The following TMC2 variants were observed in gnomAD, a reference collection of about 807,000 sequenced individuals.
The protein encoded by TMC2 is transmembrane channel-like protein 2.
TMC2 carries 102 observed loss-of-function variants against 105.9 expected under a neutral mutation model. The observed-to-expected ratio is 0.96, with a 90% CI of 0.82 to 1.14. The LOEUF is 1.14. Ranked by LOEUF, TMC2 falls within the 50% of genes most tolerant of loss-of-function variation. The probability of loss-of-function intolerance (pLI) is 0.00; values close to 1 mark genes in which losing one functional copy is unlikely to be tolerated. For missense variants in TMC2, 1,093 were observed against 1,134.3 expected, an observed-to-expected ratio of 0.96 and a Z score of 0.52; for synonymous variants, 402 against 422.8, an observed-to-expected ratio of 0.95 and a Z score of 0.60.
chr20:2,611,861 G>T (rs796095036), intron 12 of TMC2, among the ~76,000 whole-genome samples: 1 of 128,676 alleles, frequency 7.8e-6, no homozygotes, highest in African/African-American at 3.3e-5. Context: ...TGGATGGATG[G>T]ATGGATGGGT....
chr20:2,572,759 A>G (rs1354689680), intron 5 of TMC2, among the ~76,000 whole-genome samples: 1 of 152,156 alleles, frequency 6.6e-6, no homozygotes, highest in Non-Finnish European at 1.5e-5. Context: ...TTACTGAAGT[A>G]TCCTTCCTTT....
At chr20:2,552,212 C>T (rs558556682) in intron 2 of TMC2, among the ~76,000 whole-genome samples, 2 of 152,290 alleles carry the variant, frequency 1.3e-5, no homozygotes, top group South Asian at 2.1e-4. Context: ...GAGCTATATT[C>T]GTGCCATTGC....
chr20:2,625,009 T>C (rs1406875659), intron 17 of TMC2, among the ~76,000 whole-genome samples: 1 of 118,664 alleles, frequency 8.4e-6, no homozygotes, highest in Non-Finnish European at 2.0e-5. Flanking sequence ...TCAACAACCA[T>C]TAGAGAACAA....
At chr20:2,595,514 C>T (rs1468860688) in intron 9 of TMC2, among the ~76,000 whole-genome samples, 6 of 152,114 alleles carry the variant, frequency 3.9e-5, no homozygotes, top group East Asian at 1.9e-4. Flanking sequence ...TTAACCATGG[C>T]GGCCTCTCTG....
intron 4 of TMC2, among the ~76,000 whole-genome samples, chr20:2,569,950 C>T (rs1568508681): frequency 6.6e-6 from 1 of 152,130 alleles, no homozygotes; most frequent in African/African-American, 2.4e-5. Context: ...TGATAAAAGC[C>T]TCCAACAAAC....
chr20:2,613,210 C>T lies in TMC2; in HGVS notation c.1760C>T (p.Thr587Met), dbSNP rs373777877. The T allele has an allele frequency of 5.6e-6, 9 of 1,613,408 alleles. No homozygotes were observed. Among genetic ancestry groups the T allele is most frequent in the East Asian group, 2.2e-5 (1 of 44,856 alleles). The change falls in exon 14 of 20, where the codon ACG (threonine) becomes ATG (methionine). Residue 587 changes from threonine (T) to methionine (M), a missense_variant. By Grantham distance (81) the Thr-to-Met change is moderately conservative. Coordinates refer to ENST00000358864, the MANE Select transcript of TMC2 (RefSeq NM_080751.3). ...CCTCTGCAGGAATTCATGAGGCTGA[C>T]GGTGTCTGACATGCTGGTAACGTAC... ...TAVGIEFMRLTVSDMLVTYIT... is the reference protein window; with the variant it reads ...TAVGIEFMRLMVSDMLVTYIT...
chr20:2,626,013 T>A (rs1463087913), intron 17 of TMC2, among the ~76,000 whole-genome samples: 1 of 152,208 alleles, frequency 6.6e-6, no homozygotes, highest in African/African-American at 2.4e-5. Flanking sequence ...TCCTCAGCCC[T>A]ACTTTTATCA....
rs1313904136 is a variant in TMC2 at position 2,558,932 on chromosome 20, C to T, written c.401+158C>T. 1.3e-5 allele frequency among the ~76,000 whole-genome samples: 2 copies of T among 152,238 alleles called. No individual in the cohort carries two copies. The highest frequency in any genetic ancestry group is 4.8e-5 in the African/African-American group (2 of 41,464). ...GTGCCTCCCAGCCCTTACCACTGCCCCACTCTGCGGTGGGTTCTTCATCCC... is the reference window on the plus strand; with the variant it reads ...GTGCCTCCCAGCCCTTACCACTGCCTCACTCTGCGGTGGGTTCTTCATCCC... On this transcript the variant is annotated intron_variant, in intron 3 of 19. Coordinates refer to ENST00000358864, the MANE Select transcript of TMC2 (RefSeq NM_080751.3). The surrounding 1 kb of genome is among the most constrained non-coding windows in gnomAD (Gnocchi z 4.6).
At chr20:2,538,406 T>C (rs2085865940) in intron 2 of TMC2, among the ~76,000 whole-genome samples, 1 of 152,138 alleles carries the variant, frequency 6.6e-6, no homozygotes, top group African/African-American at 2.4e-5. Context: ...AAGGAGCAAA[T>C]GTGAGAAAGT....
chr20:2,560,023 G>C (rs1445863245), intron 3 of TMC2, among the ~76,000 whole-genome samples: 2 of 152,160 alleles, frequency 1.3e-5, no homozygotes, highest in East Asian at 3.9e-4. Flanking sequence ...ATAGGCATTG[G>C]TAATCCTAAG....
rs2086486943 is a variant in TMC2, at chr20:2,616,957, C to G, written c.1941-115C>G. The G allele has an allele frequency of 1.6e-6, 2 of 1,273,130 alleles. No homozygotes were observed. The highest frequency in any genetic ancestry group is 2.2e-6 in the Non-Finnish European group (2 of 913,368). 78.9% of individuals were successfully genotyped at this position (1,273,130 alleles called of 1,614,324 possible). On this transcript the variant is annotated intron_variant, in intron 15 of 19. Transcript: ENST00000358864. The surrounding 1 kb of genome is among the most constrained non-coding windows in gnomAD (Gnocchi z 4.8). ...GGAGGCCCCTTACCTGGGGACTTGC[C>G]AGGAAAGCAGCTCGGCCTCATGCCC...
intron 2 of TMC2, among the ~76,000 whole-genome samples, chr20:2,553,152 G>T (rs192824807): frequency 2.6e-5 from 4 of 152,264 alleles, no homozygotes; most frequent in Admixed American, 2.6e-4. Context: ...CAGGTGACAG[G>T]AGACATCCTT....
At position 2,558,896 on chromosome 20, in the gene TMC2, C is replaced by A; in HGVS notation, c.401+122C>A. 1.9e-6 allele frequency: 2 copies of A among 1,027,196 alleles called. No individual in the cohort carries two copies. The highest frequency in any genetic ancestry group is 2.8e-6 in the Non-Finnish European group (2 of 722,230). 63.6% of individuals were successfully genotyped at this position (1,027,196 alleles called of 1,614,324 possible). On this transcript the variant is annotated intron_variant, in intron 3 of 19. Coordinates refer to ENST00000358864, the MANE Select transcript of TMC2 (RefSeq NM_080751.3). This position sits in a 1 kb window ranked among gnomAD's most constrained non-coding sequence, Gnocchi z 4.6. ...CGGGGAGAGGCAGCCCGTGCCCTCG[C>A]TCTGGCTTCCGTGCCTCCCAGCCCT...
chr20:2,613,252 G>A lies in TMC2; in HGVS notation c.1802G>A (p.Gly601Glu). The change falls in exon 14 of 20, where the codon GGG (glycine) becomes GAG (glutamate). Residue 601 changes from glycine (G) to glutamate (E), a missense_variant. Gly to Glu is a moderately conservative substitution (Grantham distance 98). Coordinates refer to ENST00000358864, the MANE Select transcript of TMC2 (RefSeq NM_080751.3). ...MLVTYITILL[G>E]DFLRACFVRF... The stretch of plus-strand genomic sequence containing the variant: ...GTAACGTACATCACCATCCTGCTGG[G>A]GGACTTCCTACGGGCTTGTTTTGTG... 2 of 1,614,056 alleles carry A rather than the reference G, an allele frequency of 1.2e-6. No individual in the cohort carries two copies. Among genetic ancestry groups the A allele is most frequent in the Non-Finnish European group, 1.7e-6 (2 of 1,179,972 alleles).
intron 17 of TMC2, among the ~76,000 whole-genome samples, chr20:2,628,719 C>T (rs1429340531): frequency 2.0e-5 from 3 of 152,224 alleles, no homozygotes; most frequent in African/African-American, 7.2e-5. Context: ...TTTCCTGAGG[C>T]CTCACCAGCC....
intron 5 of TMC2, 138 bp from the exon 6 acceptor site, chr20:2,579,008 A>G (rs1037318067): frequency 2.0e-5 from 13 of 638,658 alleles, no homozygotes; most frequent in Non-Finnish European, 3.7e-5. Flanking sequence ...GGACAGCAGG[A>G]GCTGGGGACT....
In TMC2 at chr20:2,579,217, G is replaced by A; in HGVS notation, c.717G>A (p.Lys239=). 1.9e-6 allele frequency: 3 copies of A among 1,595,644 alleles called. No individual in the cohort carries two copies. Among genetic ancestry groups the A allele is most frequent in the South Asian group, 1.1e-5 (1 of 90,680 alleles). ...GTATCCCCTGGGAAATGAAGATCAAGGACATTGAAAGTGAGTATGCTGGTG... is the reference window on the plus strand; with the variant it reads ...GTATCCCCTGGGAAATGAAGATCAAAGACATTGAAAGTGAGTATGCTGGTG... ...TQCIPWEMKI[K]DIESHFGSSV... The change falls in exon 6 of 20, where the codon AAG becomes AAA. Residue 239 remains lysine, a synonymous_variant. Coordinates refer to ENST00000358864, the MANE Select transcript of TMC2 (RefSeq NM_080751.3).
chr20:2,584,343 C>G lies in TMC2; in HGVS notation c.834+4287C>G, dbSNP rs1461259618. Reference sequence around the variant, plus strand: ...CCTGTGGTCCCAGCTACTTGGGAGGCTGAGGCAGGAGAATGGCGTGAACCC... The same window carrying G: ...CCTGTGGTCCCAGCTACTTGGGAGGGTGAGGCAGGAGAATGGCGTGAACCC... On this transcript the variant is annotated intron_variant, in intron 7 of 19. Transcript: ENST00000358864. Among the ~76,000 whole-genome samples the G allele has an allele frequency of 4.3e-5, 6 of 140,702 alleles. 1 individual carries two copies. The highest frequency in any genetic ancestry group is 9.0e-5 in the Non-Finnish European group (6 of 66,952). The allele number at this position is 140,702 out of a possible 152,430, so 92.3% of individuals were successfully genotyped here.
At chr20:2,590,719 T>C (rs2086262732) in intron 7 of TMC2, among the ~76,000 whole-genome samples, 1 of 152,104 alleles carries the variant, frequency 6.6e-6, no homozygotes, top group African/African-American at 2.4e-5. Flanking sequence ...CAAAGTTATT[T>C]TGGTTTGCAG....
Sources: allele counts gnomAD v4.1 joint callset (sites outside exome capture counted in the v4.1 genomes callset), GRCh38; gene constraint gnomAD v4.1.1; non-coding constraint Gnocchi (gnomAD v3.1); transcripts MANE v1.5; gene names NCBI Gene and HGNC (gene_info 2026-07-23, HGNC 2026-07-21).